Variants in SLC35F6 observed in about 807,000 individuals in gnomAD.
SLC35F6 encodes ANT2-binding protein.
SLC35F6 carries 26 observed loss-of-function variants against 29.4 expected under a neutral mutation model. That is an observed-to-expected ratio of 0.89 (90% CI 0.65 to 1.23). The LOEUF (loss-of-function observed/expected upper bound fraction) is 1.23. Among genes scored for constraint, SLC35F6 ranks in the 50% most tolerant of loss-of-function variants. The pLI is 0.00. For synonymous variants in SLC35F6, 174 were observed against 206.6 expected (o/e 0.84, Z 1.35); for missense variants, 428 against 487.8 (o/e 0.88, Z 1.15).
Position 26,778,793 on chromosome 2 carries a change from T to C in SLC35F6, c.*282T>C, listed in dbSNP as rs1664354670. 2.3e-6 allele frequency: 1 copy of C among 432,764 alleles called. No homozygotes were observed. Among genetic ancestry groups the C allele is most frequent in the South Asian group, 6.9e-5 (1 of 14,394 alleles). The allele number at this position is 432,764 out of a possible 1,614,324, so 26.8% of individuals were successfully genotyped here. A position where few individuals can be genotyped will look rare whatever the true frequency, so the allele number is the denominator to read the frequency against. ...ACAGCACTAGAGCTAAATCATGAAG[T>C]TGAATTGTAGGAATTTACCACCGTA... is the stretch of plus-strand genomic sequence containing the variant. On this transcript the variant is annotated 3_prime_UTR_variant, in exon 6 of 6. Coordinates refer to ENST00000344420, the MANE Select transcript of SLC35F6 (RefSeq NM_017877.4).
Position 26,778,123 on chromosome 2 carries a change from G to T in SLC35F6, c.728G>T (p.Arg243Leu), listed in dbSNP as rs200993409. The part of the protein sequence containing the change: ...IPAGSFSGNP[R>L]GTLEDALDAF... ...GCCGGCTCCTTCAGCGGAAACCCTC[G>T]TGGGACACTGGAGGATGCATTGGAC... is the stretch of plus-strand genomic sequence containing the variant. The change falls in exon 6 of 6, where the codon CGT (arginine) becomes CTT (leucine). Residue 243 changes from arginine (R) to leucine (L), a missense_variant. Physicochemically the swap from Arg to Leu is moderately radical, Grantham distance 102. Coordinates refer to ENST00000344420, the MANE Select transcript of SLC35F6 (RefSeq NM_017877.4). 5 of 1,614,058 alleles carry T rather than the reference G, an allele frequency of 3.1e-6. No homozygotes were observed. Among genetic ancestry groups the T allele is most frequent in the East Asian group, 2.2e-5 (1 of 44,888 alleles).
rs544038942 is a variant in SLC35F6, at chr2:26,774,157, G to C, written c.78-94G>C. 143 of 1,495,928 alleles carry C rather than the reference G, an allele frequency of 9.6e-5. No homozygotes were observed. In the African/African-American group the frequency reaches 1.8e-3, roughly 19 times the overall value. 92.7% of individuals were successfully genotyped at this position (1,495,928 alleles called of 1,614,324 possible). On this transcript the variant is annotated intron_variant, in intron 1 of 5. Transcript: ENST00000344420. ...CCCCACTCTGGGGCCGGGTCACCCAGGTCTGGGCCTCTTGACATTGAGAGG... is the reference window on the plus strand; with the variant it reads ...CCCCACTCTGGGGCCGGGTCACCCACGTCTGGGCCTCTTGACATTGAGAGG...
intron 5 of SLC35F6, among the ~76,000 whole-genome samples, chr2:26,777,655 A>G (rs576819621): frequency 6.6e-6 from 1 of 152,230 alleles, no homozygotes; most frequent in Non-Finnish European, 1.5e-5. Context: ...AAAATAATGT[A>G]GTCAGTTGCA....
At position 26,776,373 on chromosome 2, in the gene SLC35F6, G is replaced by A. The variant is rs770309662; in HGVS notation, c.537G>A (p.Gly179=). ...ATCTGGGTCCCTCCTTCCCCACAGGGGACCTGTTGATCATCATGGCCCAGA... is the reference window on the plus strand; with the variant it reads ...ATCTGGGTCCCTCCTTCCCCACAGGAGACCTGTTGATCATCATGGCCCAGA... The part of the protein sequence containing the change: ...SQHKLSEVIT[G]DLLIIMAQII... The change falls in exon 5 of 6, where the codon GGG becomes GGA. Residue 179 remains glycine (G), a splice_region_variant and synonymous_variant. Coordinates refer to ENST00000344420, the MANE Select transcript of SLC35F6 (RefSeq NM_017877.4). The A allele has an allele frequency of 3.7e-6, 6 of 1,614,180 alleles. No homozygotes were observed. The highest frequency in any genetic ancestry group is 5.1e-6 in the Non-Finnish European group (6 of 1,179,996).
chr2:26,772,402 C>G (rs766957401), intron 1 of SLC35F6, among the ~76,000 whole-genome samples: 2 of 152,246 alleles, frequency 1.3e-5, no homozygotes, highest in Non-Finnish European at 2.9e-5. Flanking sequence ...CCGAGTCTTG[C>G]ACTTTAAAGA....
At chr2:26,768,104 C>T (rs1354234737) in intron 1 of SLC35F6, among the ~76,000 whole-genome samples, 10 of 152,172 alleles carry the variant, frequency 6.6e-5, no homozygotes, top group African/African-American at 1.9e-4. Context: ...CAATGTTTGC[C>T]CTTGGCAGCT....
Position 26,778,130 on chromosome 2 carries a change from A to T in SLC35F6, c.735A>T (p.Thr245=). The T allele has an allele frequency of 6.2e-7, 1 of 1,614,154 alleles. No individual in the cohort carries two copies. Among genetic ancestry groups the T allele is most frequent in the Non-Finnish European group, 8.5e-7 (1 of 1,180,012 alleles). Residue 245 remains threonine, a synonymous_variant, in exon 6 of 6, where the codon ACA becomes ACT. Coordinates refer to ENST00000344420, the MANE Select transcript of SLC35F6 (RefSeq NM_017877.4). ...AGSFSGNPRG[T]LEDALDAFCQ... ...CCTTCAGCGGAAACCCTCGTGGGAC[A>T]CTGGAGGATGCATTGGACGCCTTCT...
rs760708874 is a variant in SLC35F6, at chr2:26,775,632, T to A, written c.491T>A (p.Leu164Gln). Residue 164 changes from leucine (L) to glutamine (Q), a missense_variant, in exon 4 of 6, where the codon CTG becomes CAG. By Grantham distance (113) the Leu-to-Gln change is moderately radical (BLOSUM62 -2). Transcript: ENST00000344420. The surrounding 1 kb of genome is among the most constrained non-coding windows in gnomAD (Gnocchi z 4.6). ...GTGGTCGTGGGCCTGGCTGACCTCC[T>A]GAGCAAGCACGACAGTCAGCACAAG... ...GLVVVGLADL[L>Q]SKHDSQHKLS... is the part of the protein sequence containing the mutation. 1.2e-6 allele frequency: 2 copies of A among 1,602,250 alleles called. No homozygotes were observed. The highest frequency in any genetic ancestry group is 4.5e-5 in the East Asian group (2 of 44,620).
chr2:26,775,677 G>A lies in SLC35F6; in HGVS notation c.535+1G>A. On this transcript the variant is annotated splice_donor_variant, in intron 4 of 5. Coordinates refer to ENST00000344420, the MANE Select transcript of SLC35F6 (RefSeq NM_017877.4). LOFTEE classifies it high-confidence loss of function. The surrounding 1 kb of genome is among the most constrained non-coding windows in gnomAD (Gnocchi z 4.6). ...CACAAGCTCAGCGAAGTGATCACAG[G>A]TGCGGCCAGGGGCAGGGACACGGGG... The A allele has an allele frequency of 1.9e-6, 3 of 1,567,700 alleles. No individual in the cohort carries two copies. The highest frequency in any genetic ancestry group is 2.6e-6 in the Non-Finnish European group (3 of 1,160,160).
intron 1 of SLC35F6, among the ~76,000 whole-genome samples, chr2:26,770,305 C>T (rs543285700): frequency 1.3e-5 from 2 of 151,974 alleles, no homozygotes; most frequent in African/African-American, 2.4e-5. Context: ...ACTCAGGAGG[C>T]TGAGGTGAGA....
chr2:26,765,104 A>AAACCACTCCAAGGCTGCTGC, intron 1 of SLC35F6: 1 of 726,656 alleles, frequency 1.4e-6, no homozygotes, highest in Non-Finnish European at 1.7e-6. Flanking sequence ...GGTGCAGGAA[A>AAACCACTCCAAGGCTGCTGC]AACCACTCCA....
chr2:26,776,355 T>C lies in SLC35F6; in HGVS notation c.536-17T>C, dbSNP rs747107336. 6.2e-7 allele frequency: 1 copy of C among 1,612,914 alleles called. No individual in the cohort carries two copies. Among genetic ancestry groups the C allele is most frequent in the South Asian group, 1.1e-5 (1 of 91,036 alleles). On this transcript the variant is annotated splice_polypyrimidine_tract_variant and intron_variant, in intron 4 of 5. Coordinates refer to ENST00000344420, the MANE Select transcript of SLC35F6 (RefSeq NM_017877.4). ...CAGTGCAGCCCTGTTCTCATCTGGG[T>C]CCCTCCTTCCCCACAGGGGACCTGT...
intron 1 of SLC35F6, among the ~76,000 whole-genome samples, chr2:26,766,336 G>A (rs1376105478): frequency 1.4e-4 from 21 of 152,246 alleles, no homozygotes; most frequent in Admixed American, 1.2e-3. Context: ...GGTGGCTTAC[G>A]CCTGTCATCC....
At chr2:26,766,440 A>G (rs914925876) in intron 1 of SLC35F6, among the ~76,000 whole-genome samples, 2 of 152,184 alleles carry the variant, frequency 1.3e-5, no homozygotes, top group Non-Finnish European at 2.9e-5. Flanking sequence ...TCTACTAAAA[A>G]TACAAAAATT....
In SLC35F6 at chr2:26,775,099, G is replaced by T. The variant is rs376024017; in HGVS notation, c.206G>T (p.Arg69Leu). The change falls in exon 3 of 6, where the codon CGA (arginine) becomes CTA (leucine). Residue 69 changes from arginine (R) to leucine (L), a missense_variant. Physicochemically the swap from Arg to Leu is moderately radical, Grantham distance 102. Transcript: ENST00000344420. This position sits in a 1 kb window ranked among gnomAD's most constrained non-coding sequence, Gnocchi z 4.6. Reference protein sequence around the residue: ...FSCLAAFYLLRCRAAGQSDSS... With the variant: ...FSCLAAFYLLLCRAAGQSDSS... ...TGCCTGGCTGCCTTCTACCTCCTCC[G>T]ATGCAGAGCTGCAGGGCAATCAGAC... 1.9e-6 allele frequency: 3 copies of T among 1,614,028 alleles called. No individual in the cohort carries two copies. Among genetic ancestry groups the T allele is most frequent in the African/African-American group, 1.3e-5 (1 of 75,004 alleles).
chr2:26,769,287 C>T (rs891574428), intron 1 of SLC35F6, among the ~76,000 whole-genome samples: 1 of 152,208 alleles, frequency 6.6e-6, no homozygotes. Flanking sequence ...CCACCCAGCA[C>T]GGAGAGCCTA....
chr2:26,774,131 G>C (rs1483287745), intron 1 of SLC35F6, 120 bp from the exon 2 acceptor site: 1 of 1,083,826 alleles, frequency 9.2e-7, no homozygotes, highest in Non-Finnish European at 1.4e-6. Flanking sequence ...TTGAGAGGGA[G>C]CCCCACTCTG....
chr2:26,773,769 C>T (rs912637024), intron 1 of SLC35F6, among the ~76,000 whole-genome samples: 1 of 151,670 alleles, frequency 6.6e-6, no homozygotes, highest in Admixed American at 6.6e-5. Context: ...TGTACCACCA[C>T]GCCCGGCTAA....
In SLC35F6 at chr2:26,774,293, G is replaced by A; in HGVS notation, c.120G>A (p.Lys40=). ...NFMAEGCGGS[K]EHSFQHPFLQ... ...TGGCCGAGGGCTGTGGAGGGAGCAA[G>A]GAGCACAGCTTCCAGCATCCCTTCC... The change falls in exon 2 of 6, where the codon AAG becomes AAA. Residue 40 remains lysine (K), a synonymous_variant. Coordinates refer to ENST00000344420, the MANE Select transcript of SLC35F6 (RefSeq NM_017877.4). The A allele has an allele frequency of 6.2e-7, 1 of 1,614,162 alleles. No individual in the cohort carries two copies. The highest frequency in any genetic ancestry group is 8.5e-7 in the Non-Finnish European group (1 of 1,180,014).
Sources: allele counts gnomAD v4.1 joint callset (sites outside exome capture counted in the v4.1 genomes callset), GRCh38; gene constraint gnomAD v4.1.1; non-coding constraint Gnocchi (gnomAD v3.1); transcripts MANE v1.5; gene names NCBI Gene and HGNC (gene_info 2026-07-23, HGNC 2026-07-21).